Variants in SRRM4 observed in about 807,000 individuals in gnomAD.
SRRM4 encodes serine/arginine repetitive matrix protein 4.
A neutral mutation model predicts 68.9 loss-of-function variants in SRRM4; 33 were observed. The ratio of observed to expected loss-of-function variants is 0.48; its 90% CI spans 0.36 to 0.64. The LOEUF (loss-of-function observed/expected upper bound fraction) is 0.64. Ranked by LOEUF, SRRM4 falls within the 30% of genes least tolerant of loss-of-function variation. The pLI, the probability that SRRM4 is intolerant of heterozygous loss-of-function variation, is 0.00. For missense variants in SRRM4, 817 were observed against 827.1 expected (o/e 0.99, Z 0.15); for synonymous variants, 318 against 318.8 (o/e 1.00, Z 0.03).
At chr12:119,031,525 A>G (rs1007849182) in intron 1 of SRRM4, among the ~76,000 whole-genome samples, 1 of 152,184 alleles carries the variant, frequency 6.6e-6, no homozygotes, top group South Asian at 2.1e-4. Context: ...GAGTATGCCT[A>G]CTACATTCTA....
intron 8 of SRRM4, among the ~76,000 whole-genome samples, chr12:119,139,918 G>T (rs1954354121): frequency 6.6e-6 from 1 of 151,836 alleles, no homozygotes; most frequent in South Asian, 2.1e-4. Flanking sequence ...CATAATAGTT[G>T]TATATATTTA....
At chr12:119,101,621 T>A (rs376679548) in intron 1 of SRRM4, among the ~76,000 whole-genome samples, 1 of 152,174 alleles carries the variant, frequency 6.6e-6, no homozygotes, top group East Asian at 1.9e-4. Context: ...ATTTTATAAC[T>A]GAAGAAACTG....
At chr12:119,052,303 T>TCCACTGCTAA (rs1953747931) in intron 1 of SRRM4, among the ~76,000 whole-genome samples, 1 of 152,178 alleles carries the variant, frequency 6.6e-6, no homozygotes, top group Non-Finnish European at 1.5e-5. Context: ...GTAGTGAGTT[T>TCCACTGCTAA]CCACTGCTAA....
intron 10 of SRRM4, among the ~76,000 whole-genome samples, chr12:119,151,893 T>C (rs1954441862): frequency 2.0e-5 from 3 of 152,176 alleles, no homozygotes; most frequent in Admixed American, 2.0e-4. Context: ...CTATTAGCCA[T>C]AGCAAGTCAC....
chr12:118,999,211 C>G (rs529324123), intron 1 of SRRM4, among the ~76,000 whole-genome samples: 2 of 152,158 alleles, frequency 1.3e-5, no homozygotes, highest in African/African-American at 2.4e-5. Flanking sequence ...TACCATCAGG[C>G]AAGTCCAGGA....
intron 1 of SRRM4, among the ~76,000 whole-genome samples, chr12:119,057,398 A>C (rs950219047): frequency 2.6e-5 from 4 of 152,012 alleles, no homozygotes; most frequent in East Asian, 1.9e-4. Flanking sequence ...CCCCGTGTCC[A>C]TGTGTTGTCA....
chr12:119,053,680 G>A (rs1953759036), intron 1 of SRRM4, among the ~76,000 whole-genome samples: 1 of 152,130 alleles, frequency 6.6e-6, no homozygotes, highest in Non-Finnish European at 1.5e-5. Flanking sequence ...ATTTGCACAC[G>A]TGGCATCTCT....
Position 119,005,689 on chromosome 12 carries a change from A to G in SRRM4, c.131+23676A>G, listed in dbSNP as rs572379010. On this transcript the variant is annotated intron_variant, in intron 1 of 12. Coordinates refer to ENST00000267260, the MANE Select transcript of SRRM4 (RefSeq NM_194286.4). ...GTCCAAGTGGGAATTAAACGAAATT[A>G]TATGCATTAATTGCTTAAAGCAGTG... Among the ~76,000 whole-genome samples the G allele has an allele frequency of 3.1e-4, 47 of 152,326 alleles. 1 individual carries two copies. The highest frequency in any genetic ancestry group is 7.0e-4 in the African/African-American group (29 of 41,578).
intron 1 of SRRM4, among the ~76,000 whole-genome samples, chr12:119,094,332 C>G (rs73211897): frequency 0.022 from 3,336 of 152,216 alleles, 61 homozygotes; most frequent in Non-Finnish European, 0.035. Context: ...AACAGCCTCA[C>G]CTGGGAATTG....
In SRRM4 at chr12:119,145,523, G is replaced by A. The variant is rs774599577; in HGVS notation, c.914G>A (p.Arg305Gln). ...PSTQTSSARS[R>Q]GQEKGSPSGG... ...ACGCAAACCAGCTCAGCCAGGTCTCGGGGCCAGGAGAAGGGGAGCCCCAGT... is the reference window on the plus strand; with the variant it reads ...ACGCAAACCAGCTCAGCCAGGTCTCAGGGCCAGGAGAAGGGGAGCCCCAGT... Residue 305 changes from arginine to glutamine, a missense_variant, in exon 9 of 13, where the codon CGG becomes CAG. By Grantham distance (43) the Arg-to-Gln change is conservative. Coordinates refer to ENST00000267260, the MANE Select transcript of SRRM4 (RefSeq NM_194286.4). 8.1e-6 allele frequency: 13 copies of A among 1,608,360 alleles called. No homozygotes were observed. The highest frequency in any genetic ancestry group is 6.6e-5 in the South Asian group (6 of 90,366).
chr12:119,062,564 A>T (rs1045563448), intron 1 of SRRM4, among the ~76,000 whole-genome samples: 14 of 152,166 alleles, frequency 9.2e-5, no homozygotes, highest in Non-Finnish European at 1.3e-4. Flanking sequence ...TTTTTTGATT[A>T]AAAAAATTTC....
At chr12:119,015,405 G>C (rs1432216610) in intron 1 of SRRM4, among the ~76,000 whole-genome samples, 1 of 152,118 alleles carries the variant, frequency 6.6e-6, no homozygotes, top group East Asian at 1.9e-4. Context: ...TAGCTACAGT[G>C]ATCAATTATA....
chr12:119,015,141 C>A lies in SRRM4; in HGVS notation c.131+33128C>A, dbSNP rs112122821. 1.7e-3 allele frequency among the ~76,000 whole-genome samples: 258 copies of A among 152,310 alleles called. 3 individuals carry two copies. Among genetic ancestry groups the A allele is most frequent in the African/African-American group, 5.6e-3 (233 of 41,576 alleles). ...AAGGTGTTTGTTGAGTGAAAAATGGCAGCCGCAGGTAGATATGGAGACAGT... is the reference window on the plus strand; with the variant it reads ...AAGGTGTTTGTTGAGTGAAAAATGGAAGCCGCAGGTAGATATGGAGACAGT... On this transcript the variant is annotated intron_variant, in intron 1 of 12. Transcript: ENST00000267260.
At chr12:119,043,289 A>G (rs910673011) in intron 1 of SRRM4, among the ~76,000 whole-genome samples, 1 of 152,178 alleles carries the variant, frequency 6.6e-6, no homozygotes, top group African/African-American at 2.4e-5. Flanking sequence ...TCACGCAAGA[A>G]CAGAAAACTA....
chr12:119,088,522 G>A (rs550701257), intron 1 of SRRM4, among the ~76,000 whole-genome samples: 4 of 152,152 alleles, frequency 2.6e-5, no homozygotes, highest in South Asian at 2.1e-4. Context: ...ACTGCAATAC[G>A]TAAGGTATTA....
intron 8 of SRRM4, among the ~76,000 whole-genome samples, chr12:119,142,728 C>T (rs1376403849): frequency 6.6e-6 from 1 of 152,148 alleles, no homozygotes; most frequent in Non-Finnish European, 1.5e-5. Context: ...GGCTACCAAC[C>T]ACTCACCATC....
In SRRM4 at chr12:119,156,581, G is replaced by A. The variant is rs1954472853; in HGVS notation, c.1619G>A (p.Ser540Asn). Residue 540 changes from serine (S) to asparagine (N), a missense_variant, in exon 13 of 13, where the codon AGC (serine) becomes AAC (asparagine). By Grantham distance (46) the Ser-to-Asn change is conservative. Transcript: ENST00000267260. ...LSSTSSWYSSSSSRSASRSYS... is the reference protein window; with the variant it reads ...LSSTSSWYSSNSSRSASRSYS... ...AGCACCTCCTCCTGGTACAGCAGCA[G>A]CAGTAGCCGCTCGGCCAGCCGCAGC... 6.2e-7 allele frequency: 1 copy of A among 1,610,088 alleles called. No homozygotes were observed. The highest frequency in any genetic ancestry group is 1.7e-5 in the Admixed American group (1 of 59,982).
In SRRM4 at chr12:119,151,025, A is replaced by G; in HGVS notation, c.1085A>G (p.Gln362Arg). The change falls in exon 10 of 13, where the codon CAG (glutamine) becomes CGG (arginine). Residue 362 changes from glutamine to arginine, a missense_variant. Coordinates refer to ENST00000267260, the MANE Select transcript of SRRM4 (RefSeq NM_194286.4). Reference sequence around the variant, plus strand: ...CATTTTCCCACCTGCAGGGGATTTCAGTCACCGTGTCTGGAATGTGCCGAA... The same window carrying G: ...CATTTTCCCACCTGCAGGGGATTTCGGTCACCGTGTCTGGAATGTGCCGAA... ...TSRGRESRGF[Q>R]SPCLECAEVK... 3 of 1,613,930 alleles carry G rather than the reference A, an allele frequency of 1.9e-6. No individual in the cohort carries two copies. In the Admixed American group the frequency reaches 5.0e-5, roughly 27 times the overall value.
chr12:119,071,017 G>A (rs1288735429), intron 1 of SRRM4, among the ~76,000 whole-genome samples: 7 of 152,158 alleles, frequency 4.6e-5, no homozygotes, highest in South Asian at 4.2e-4. Flanking sequence ...CCTCTCCCAC[G>A]GGGGCTTAGG....
Sources: allele counts gnomAD v4.1 joint callset (sites outside exome capture counted in the v4.1 genomes callset), GRCh38; gene constraint gnomAD v4.1.1; transcripts MANE v1.5; gene names NCBI Gene and HGNC (gene_info 2026-07-23, HGNC 2026-07-21).